Variants in FBXW8 observed in about 807,000 individuals in gnomAD.
The protein encoded by FBXW8 is F-box/WD repeat-containing protein 8.
In FBXW8, 57 loss-of-function variants were observed where a neutral mutation model predicts 65.3. That is an observed-to-expected ratio of 0.87 (90% confidence interval 0.71 to 1.09). The LOEUF is 1.09. Ranked by LOEUF, FBXW8 falls within the 50% of genes least tolerant of loss-of-function variation. FBXW8 has a pLI of 0.00. For missense variants in FBXW8, 777 were observed against 814.8 expected, an observed-to-expected ratio of 0.95 and a Z score of 0.57; for synonymous variants, 308 against 330.2, an observed-to-expected ratio of 0.93 and a Z score of 0.73.
At chr12:116,999,981 A>ATTTT (rs71099027) in intron 7 of FBXW8, among the ~76,000 whole-genome samples, 8 of 128,792 alleles carry the variant, frequency 6.2e-5, no homozygotes, top group Admixed American at 2.4e-4. Flanking sequence ...TCTGCATCTC[A>ATTTT]TTTTTTTTTT....
At chr12:116,997,566 C>T (rs4767491) in intron 7 of FBXW8, among the ~76,000 whole-genome samples, 104,303 of 151,964 alleles carry the variant, frequency 0.69, 40,145 homozygotes, top group Non-Finnish European at 0.84. Context: ...CTCCTTCACC[C>T]CCGGTCCCCC....
chr12:116,968,248 AC>A (rs755907215), intron 5 of FBXW8, among the ~76,000 whole-genome samples: 4 of 152,280 alleles, frequency 2.6e-5, no homozygotes, highest in Admixed American at 2.0e-4. Context: ...TCTTGCTGCC[AC>A]CCACTTTTGT....
chr12:117,028,369 C>G lies in FBXW8; in HGVS notation c.*197C>G, dbSNP rs1315818139. On this transcript the variant is annotated 3_prime_UTR_variant, in exon 11 of 11. Transcript: ENST00000652555. This position sits in a 1 kb window ranked among gnomAD's most constrained non-coding sequence, Gnocchi z 4.1. ...GGGCAAGCTGGCGTGTGCCAGGGCT[C>G]GAGTCCCACGTGCTGCCAACTCAAA... 1 of 653,088 alleles carries G rather than the reference C, an allele frequency of 1.5e-6. No homozygotes were observed. Among genetic ancestry groups the G allele is most frequent in the Non-Finnish European group, 2.6e-6 (1 of 389,934 alleles). The allele number at this position is 653,088 out of a possible 1,614,324, so 40.5% of individuals were successfully genotyped here.
At chr12:116,911,440 CTGTG>C in intron 1 of FBXW8, 85 bp downstream of exon 1, 1 of 941,190 alleles carries the variant, frequency 1.1e-6, no homozygotes, top group Non-Finnish European at 1.4e-6. Context: ...TGGAGAGTAA[CTGTG>C]TGCCACTAGT....
chr12:116,923,752 G>T (rs1384187933), intron 1 of FBXW8, among the ~76,000 whole-genome samples: 1 of 151,784 alleles, frequency 6.6e-6, no homozygotes, highest in East Asian at 1.9e-4. Flanking sequence ...ACGGAGTCTT[G>T]CTCTGTCGCC....
At chr12:116,931,134 G>A (rs1297704480) in intron 2 of FBXW8, among the ~76,000 whole-genome samples, 1 of 152,180 alleles carries the variant, frequency 6.6e-6, no homozygotes, top group Non-Finnish European at 1.5e-5. Context: ...ACCATTTATT[G>A]GAGACTTTTT....
At chr12:117,010,215 G>A in intron 7 of FBXW8, 108 bp from the exon 8 acceptor site, 11 of 1,503,950 alleles carry the variant, frequency 7.3e-6, no homozygotes, top group East Asian at 2.3e-5. Flanking sequence ...ACATCTTCAC[G>A]GGAGCTCAGT....
chr12:117,012,139 G>T, intron 8 of FBXW8, among the ~76,000 whole-genome samples: 1 of 152,052 alleles, frequency 6.6e-6, no homozygotes, highest in Non-Finnish European at 1.5e-5. Flanking sequence ...TATACACTCA[G>T]TAAAGCTGAC....
rs541086943 is a variant in FBXW8, at chr12:116,961,865, G to A, written c.678-2832G>A. Among the ~76,000 whole-genome samples the A allele has an allele frequency of 1.6e-4, 24 of 152,310 alleles. No homozygotes were observed. Among genetic ancestry groups the A allele is most frequent in the African/African-American group, 5.5e-4 (23 of 41,574 alleles). ...TGCAGTCAGGTGTTTTGAAGGGCTT[G>A]GCTTGTGGGGGGAGGATTGAATGGA... On this transcript the variant is annotated intron_variant, in intron 4 of 10. Transcript: ENST00000652555. The surrounding 1 kb of genome is among the most constrained non-coding windows in gnomAD (Gnocchi z 4.4).
chr12:116,997,273 C>T (rs1953399516), intron 7 of FBXW8, among the ~76,000 whole-genome samples: 1 of 152,024 alleles, frequency 6.6e-6, no homozygotes, highest in Non-Finnish European at 1.5e-5. Flanking sequence ...TGAAAAGTGT[C>T]GTTTGGAATA....
intron 1 of FBXW8, among the ~76,000 whole-genome samples, chr12:116,920,379 C>G (rs190909102): frequency 2.6e-4 from 40 of 152,358 alleles, no homozygotes; most frequent in Middle Eastern, 6.8e-3. Context: ...GTACCAGCCA[C>G]TGTTCCAGGC....
intron 7 of FBXW8, among the ~76,000 whole-genome samples, chr12:117,009,396 C>G (rs913218673): frequency 6.6e-6 from 1 of 151,920 alleles, no homozygotes; most frequent in Admixed American, 6.5e-5. Context: ...TGTTCCCCCA[C>G]CCCCTCAAAA....
chr12:116,938,732 T>C (rs1882341045), intron 2 of FBXW8, among the ~76,000 whole-genome samples: 1 of 152,228 alleles, frequency 6.6e-6, no homozygotes, highest in Non-Finnish European at 1.5e-5. Context: ...CCTTTGGATT[T>C]TCCTAAAGTG....
chr12:117,023,279 C>T lies in FBXW8; in HGVS notation c.1368-868C>T, dbSNP rs181361906. ...TTTAATCTTACATCCTTGTGCTTGT[C>T]CTGTTCCTTGCTAGATGCTGGGGTC... On this transcript the variant is annotated intron_variant, in intron 8 of 10. Transcript: ENST00000652555. Among the ~76,000 whole-genome samples, 403 of 152,286 alleles carry T rather than the reference C, an allele frequency of 2.6e-3. 3 individuals are homozygous for T. The highest frequency in any genetic ancestry group is 6.8e-3 in the Middle Eastern group (2 of 294).
At chr12:116,974,522 T>C (rs1318666059) in intron 5 of FBXW8, among the ~76,000 whole-genome samples, 1 of 152,226 alleles carries the variant, frequency 6.6e-6, no homozygotes, top group Non-Finnish European at 1.5e-5. Flanking sequence ...ATCCAGCCGA[T>C]TCTGAGTGTC....
chr12:116,940,490 G>A (rs1364666284), intron 2 of FBXW8, among the ~76,000 whole-genome samples: 1 of 102,686 alleles, frequency 9.7e-6, no homozygotes, highest in Non-Finnish European at 2.5e-5. Context: ...GAAGGATGGT[G>A]GGCTTTTTTT....
rs745473873 is a variant in FBXW8, at chr12:116,945,474, G to A, written c.534G>A (p.Lys178=). 13 of 1,614,180 alleles carry A rather than the reference G, an allele frequency of 8.1e-6. No homozygotes were observed. Among genetic ancestry groups the A allele is most frequent in the African/African-American group, 6.7e-5 (5 of 75,068 alleles). ...DSSISDYSCW[K]LIFQECRAKE... ...GCATCTCTGACTATTCTTGCTGGAA[G>A]CTCATCTTCCAAGAGTGCCGAGCCA... The change falls in exon 3 of 11, where the codon AAG becomes AAA. Residue 178 remains lysine (K), a synonymous_variant. Transcript: ENST00000652555.
intron 4 of FBXW8, among the ~76,000 whole-genome samples, chr12:116,962,245 T>C (rs1399059541): frequency 2.0e-5 from 3 of 152,204 alleles, no homozygotes; most frequent in Non-Finnish European, 4.4e-5. Flanking sequence ...TAGAGTGCTG[T>C]TATCTGTGGG....
chr12:116,955,806 A>C (rs899014455), intron 4 of FBXW8, among the ~76,000 whole-genome samples: 4 of 152,144 alleles, frequency 2.6e-5, no homozygotes, highest in Non-Finnish European at 4.4e-5. Context: ...CATGAGTTCA[A>C]AAAAGACAGT....
Sources: allele counts gnomAD v4.1 joint callset (sites outside exome capture counted in the v4.1 genomes callset), GRCh38; gene constraint gnomAD v4.1.1; non-coding constraint Gnocchi (gnomAD v3.1); transcripts MANE v1.5; gene names NCBI Gene and HGNC (gene_info 2026-07-23, HGNC 2026-07-21).